Variants in ATP13A3 observed in about 807,000 individuals in gnomAD.
ATP13A3 encodes the protein ATPase 13A3.
In ATP13A3, 59 loss-of-function variants were observed where a neutral mutation model predicts 158.1. The observed-to-expected ratio is 0.37, with a 90% CI of 0.30 to 0.46. ATP13A3 has a LOEUF of 0.46. Ranked by LOEUF, ATP13A3 falls within the 20% of genes least tolerant of loss-of-function variation. The pLI, the probability that ATP13A3 is intolerant of heterozygous loss-of-function variation, is 1.00. For missense variants in ATP13A3, 1,166 were observed against 1,525.2 expected, an observed-to-expected ratio of 0.76 and a Z score of 3.92; for synonymous variants, 491 against 504.3, an observed-to-expected ratio of 0.97 and a Z score of 0.35.
intron 20 of ATP13A3, among the ~76,000 whole-genome samples, chr3:194,435,570 A>C (rs1717568650): frequency 6.6e-6 from 1 of 152,182 alleles, no homozygotes; most frequent in Non-Finnish European, 1.5e-5. Flanking sequence ...CACAAGGAAC[A>C]GTCTATCCAA....
In ATP13A3 at chr3:194,437,591, C is replaced by A. The variant is rs1334105494; in HGVS notation, c.1828-18G>T. 1.3e-6 allele frequency: 2 copies of A among 1,592,036 alleles called. No individual in the cohort carries two copies. Among genetic ancestry groups the A allele is most frequent in the African/African-American group, 1.4e-5 (1 of 73,908 alleles). On this transcript the variant is annotated intron_variant, in intron 17 of 33. Coordinates refer to ENST00000645319, the MANE Select transcript of ATP13A3 (RefSeq NM_001367549.1). ...AACAGCTCCTAAAAACGAAACAAAA[C>A]AAGAAAAAATAGTACAGATTAACTC...
intron 2 of ATP13A3, among the ~76,000 whole-genome samples, chr3:194,477,982 T>C (rs975302218): frequency 2.0e-5 from 3 of 152,224 alleles, no homozygotes; most frequent in Non-Finnish European, 4.4e-5. Context: ...TGTTCACCAA[T>C]GAACTTAAAA....
In ATP13A3 at chr3:194,406,068, A is replaced by G; in HGVS notation, c.3622T>C (p.Cys1208Arg). 1.9e-6 allele frequency: 3 copies of G among 1,614,166 alleles called. No individual in the cohort carries two copies. Among genetic ancestry groups the G allele is most frequent in the South Asian group, 1.1e-5 (1 of 91,080 alleles). Reference protein sequence around the residue: ...GKCCLPWALGCRKKTPKAKYM... With the variant: ...GKCCLPWALGRRKKTPKAKYM... Reference sequence around the variant, plus strand: ...TTTGCCTTTGGTGTCTTCTTTCTACAGCCCAGGGCCCAGGGTAAGCAGCAT... The same window carrying G: ...TTTGCCTTTGGTGTCTTCTTTCTACGGCCCAGGGCCCAGGGTAAGCAGCAT... The change falls in exon 34 of 34, where the codon TGT becomes CGT. Residue 1208 changes from cysteine (C) to arginine (R), a missense_variant. Physicochemically the swap from Cys to Arg is radical, Grantham distance 180. This residue lies in a region of ATP13A3 where 997 missense variants were observed against 1,341.2 expected (regional missense o/e 0.74). Coordinates refer to ENST00000645319, the MANE Select transcript of ATP13A3 (RefSeq NM_001367549.1).
At position 194,403,294 on chromosome 3, in the gene ATP13A3, A is replaced by G. The variant is rs73889860; in HGVS notation, c.*2625T>C. Reference sequence around the variant, plus strand: ...GAAAGCTTTCGAATTTCAGGATTATAAAACTACTATAAAAGTATTTATTCT... The same window carrying G: ...GAAAGCTTTCGAATTTCAGGATTATGAAACTACTATAAAAGTATTTATTCT... On this transcript the variant is annotated 3_prime_UTR_variant, in exon 34 of 34. Transcript: ENST00000645319. The G allele has an allele frequency of 6.6e-6, 1 of 152,360 alleles. No homozygotes were observed. The highest frequency in any genetic ancestry group is 2.4e-5 in the African/African-American group (1 of 41,586). 9.4% of individuals were successfully genotyped at this position (152,360 alleles called of 1,614,324 possible).
chr3:194,419,687 C>T, intron 31 of ATP13A3, 192 bp downstream of exon 31: 2 of 766,448 alleles, frequency 2.6e-6, no homozygotes, highest in Non-Finnish European at 3.2e-6. Context: ...ATGAAAACGG[C>T]ACCAGAAGCA....
At chr3:194,451,246 C>T (rs1051670453) in intron 10 of ATP13A3, 2 of 152,084 alleles carry the variant, frequency 1.3e-5, no homozygotes, top group Admixed American at 6.5e-5. Context: ...TAGATATTAT[C>T]GATCTTCGTT....
intron 2 of ATP13A3, among the ~76,000 whole-genome samples, chr3:194,472,687 C>A (rs1346551041): frequency 1.3e-5 from 2 of 152,144 alleles, no homozygotes; most frequent in African/African-American, 4.8e-5. Flanking sequence ...ACAAAAAAGA[C>A]ACATGCACTC....
At chr3:194,455,800 A>G (rs1267193594) in intron 8 of ATP13A3, 93 bp downstream of exon 8, 1 of 861,380 alleles carries the variant, frequency 1.2e-6, no homozygotes, top group Non-Finnish European at 1.8e-6. Context: ...AGGTTAGGAA[A>G]AAGAAAACCA....
intron 33 of ATP13A3, among the ~76,000 whole-genome samples, chr3:194,408,928 T>C (rs1471030818): frequency 6.6e-6 from 1 of 152,180 alleles, no homozygotes; most frequent in East Asian, 1.9e-4. Flanking sequence ...AGGCAAGTAC[T>C]GTGTAACACA....
chr3:194,484,318 A>C (rs2109076435), intron 2 of ATP13A3, among the ~76,000 whole-genome samples: 1 of 152,304 alleles, frequency 6.6e-6, no homozygotes, highest in South Asian at 2.1e-4. Flanking sequence ...TAAAGAAAGG[A>C]GCACTTTTCC....
At chr3:194,468,769 T>C (rs924508460) in intron 2 of ATP13A3, among the ~76,000 whole-genome samples, 55 of 152,324 alleles carry the variant, frequency 3.6e-4, no homozygotes, top group African/African-American at 1.3e-3. Context: ...TAACGACCTG[T>C]AATCAAGTAA....
In ATP13A3 at chr3:194,431,002, C is replaced by T. The variant is rs1337041712; in HGVS notation, c.2565G>A (p.Val855=). 5.6e-6 allele frequency: 9 copies of T among 1,613,490 alleles called. 1 individual carries two copies. In the Middle Eastern group the frequency reaches 4.9e-4, roughly 88 times the overall value. The change falls in exon 24 of 34, where the codon GTG becomes GTA. Residue 855 remains valine (V), a synonymous_variant. Transcript: ENST00000645319. The part of the protein sequence containing the change: ...LVPKLMLHGT[V]FARMAPDQKT... ...TCTGATCAGGTGCCATACGGGCAAA[C>T]ACGGTGCCATGCAACATCAACTGGA...
At position 194,457,103 on chromosome 3, in the gene ATP13A3, T is replaced by A; in HGVS notation, c.551A>T (p.His184Leu). The A allele has an allele frequency of 6.2e-7, 1 of 1,612,130 alleles. No homozygotes were observed. Among genetic ancestry groups the A allele is most frequent in the Non-Finnish European group, 8.5e-7 (1 of 1,178,788 alleles). ...KHSAGLTKGM[H>L]AYRKLLYGVN... ...GTTGGATAAAAATTACCTGTAGGCATGCATCCCCTTTGTCAGTCCTGCACT... is the reference window on the plus strand; with the variant it reads ...GTTGGATAAAAATTACCTGTAGGCAAGCATCCCCTTTGTCAGTCCTGCACT... Residue 184 changes from histidine to leucine, a missense_variant, in exon 7 of 34, where the codon CAT (histidine) becomes CTT (leucine). By Grantham distance (99) the His-to-Leu change is moderately conservative. Coordinates refer to ENST00000645319, the MANE Select transcript of ATP13A3 (RefSeq NM_001367549.1).
intron 26 of ATP13A3, 112 bp from the exon 27 acceptor site, chr3:194,429,886 G>T: frequency 9.2e-7 from 1 of 1,082,390 alleles, no homozygotes; most frequent in Non-Finnish European, 1.4e-6. Flanking sequence ...CTACAACAAA[G>T]TGCTTATCCA....
intron 10 of ATP13A3, chr3:194,450,501 G>A: frequency 2.1e-6 from 1 of 480,452 alleles, no homozygotes; most frequent in Non-Finnish European, 3.8e-6. Flanking sequence ...GTGCACCGGT[G>A]ATGCCAAGTA....
intron 16 of ATP13A3, 125 bp downstream of exon 16, chr3:194,441,186 C>T: frequency 2.7e-6 from 2 of 735,714 alleles, no homozygotes; most frequent in South Asian, 2.4e-5. Flanking sequence ...AATTACATAG[C>T]TCCTTTTAGG....
At chr3:194,435,169 T>C (rs1717534543) in intron 20 of ATP13A3, among the ~76,000 whole-genome samples, 1 of 152,182 alleles carries the variant, frequency 6.6e-6, no homozygotes, top group Non-Finnish European at 1.5e-5. Context: ...TATTAGAGAA[T>C]AGTTGAGAAA....
intron 33 of ATP13A3, 109 bp downstream of exon 33, chr3:194,412,090 C>A: frequency 3.5e-6 from 3 of 856,008 alleles, no homozygotes; most frequent in Non-Finnish European, 5.5e-6. Flanking sequence ...AACAAGAACA[C>A]GCTAGAGAAT....
intron 20 of ATP13A3, 30 bp downstream of exon 20, chr3:194,437,063 ACT>A (rs1184978591): frequency 6.2e-7 from 1 of 1,604,966 alleles, no homozygotes; most frequent in South Asian, 1.1e-5. Context: ...AATGATGATG[ACT>A]GGGAAACTAG....
Sources: gnomAD v4.1 joint callset for allele counts (sites outside exome capture counted in the v4.1 genomes callset) on GRCh38, gnomAD v4.1.1 for gene constraint, gnomAD v4.1.1 regional missense constraint, MANE v1.5 for transcripts, NCBI Gene and HGNC (gene_info 2026-07-23, HGNC 2026-07-21) for gene names.